The following TNKS variants were observed in gnomAD, a reference collection of about 807,000 sequenced individuals.
TNKS encodes the protein poly [ADP-ribose] polymerase tankyrase-1.
A neutral mutation model predicts 135.8 loss-of-function variants in TNKS; 72 were observed. The ratio of observed to expected loss-of-function variants is 0.53; its 90% CI spans 0.44 to 0.64. The LOEUF (loss-of-function observed/expected upper bound fraction) is 0.64, where lower values mean the gene tolerates loss of function less well. Ranked by LOEUF, TNKS falls within the 30% of genes least tolerant of loss-of-function variation. TNKS has a pLI of 0.00. For missense variants in TNKS, 1,769 were observed against 1,674.0 expected, an observed-to-expected ratio of 1.06 and a Z score of -0.99; for synonymous variants, 849 against 649.3, an observed-to-expected ratio of 1.31 and a Z score of -4.68.
intron 2 of TNKS, among the ~76,000 whole-genome samples, chr8:9,604,245 G>A (rs191946674): frequency 6.6e-6 from 1 of 152,040 alleles, no homozygotes; most frequent in Admixed American, 6.5e-5. Flanking sequence ...TTTCATCCCT[G>A]TTTTATTACC....
At chr8:9,755,202 C>T (rs1205304853) in intron 20 of TNKS, among the ~76,000 whole-genome samples, 1 of 152,094 alleles carries the variant, frequency 6.6e-6, no homozygotes, top group Non-Finnish European at 1.5e-5. Context: ...AACTGACTTC[C>T]TGTGGCGTAT....
chr8:9,580,511 C>G, intron 2 of TNKS, 128 bp downstream of exon 2: 2 of 799,820 alleles, frequency 2.5e-6, no homozygotes, highest in Non-Finnish European at 3.8e-6. Context: ...CAGTTCTTTT[C>G]CATCAAAAGG....
chr8:9,605,983 A>C (rs1265744737), intron 2 of TNKS, among the ~76,000 whole-genome samples: 2 of 151,788 alleles, frequency 1.3e-5, no homozygotes, highest in Admixed American at 6.6e-5. Flanking sequence ...TTTAAGGCTT[A>C]GTTTCTTTTT....
chr8:9,678,479 T>C (rs1802642060), intron 3 of TNKS, among the ~76,000 whole-genome samples: 1 of 152,224 alleles, frequency 6.6e-6, no homozygotes, highest in Non-Finnish European at 1.5e-5. Flanking sequence ...CATGAAATCA[T>C]ATATTCTAGC....
chr8:9,557,586 C>T (rs1815378849), intron 1 of TNKS: 1 of 151,960 alleles, frequency 6.6e-6, no homozygotes, highest in Non-Finnish European at 1.5e-5. Flanking sequence ...ATTGGAAATA[C>T]ATATATTGTA....
chr8:9,642,045 A>T (rs1047286514), intron 3 of TNKS, among the ~76,000 whole-genome samples: 7 of 146,184 alleles, frequency 4.8e-5, no homozygotes, highest in Non-Finnish European at 1.0e-4. Context: ...CTTGATGTAG[A>T]AGTGTTTGGC....
intron 3 of TNKS, among the ~76,000 whole-genome samples, chr8:9,640,994 C>T (rs1001085338): frequency 2.1e-5 from 3 of 145,696 alleles, no homozygotes; most frequent in African/African-American, 7.6e-5. Context: ...TAGCCCGTCT[C>T]CCTAAATCTC....
Position 9,556,267 on chromosome 8 carries a change from A to C in TNKS, c.328A>C (p.Thr110Pro), listed in dbSNP as rs746051619. ...AAAPVVPAVS[T>P]SSAAGVAPNP... ...CGCTCCCGTGGTCCCAGCGGTTTCT[A>C]CTTCATCTGCCGCTGGGGTCGCTCC... Residue 110 changes from threonine to proline, a missense_variant, in exon 1 of 27, where the codon ACT becomes CCT. Thr to Pro is a conservative substitution (Grantham distance 38). Around this residue, in one of 5 missense-constraint regions of TNKS, gnomAD observed 450 missense variants for 304.9 expected, o/e 1.48. Transcript: ENST00000310430. The C allele has an allele frequency of 1.9e-6, 3 of 1,614,220 alleles. No homozygotes were observed. Among genetic ancestry groups the C allele is most frequent in the Non-Finnish European group, 2.5e-6 (3 of 1,180,032 alleles).
At chr8:9,566,449 A>C (rs1585173897) in intron 1 of TNKS, 2 of 152,276 alleles carry the variant, frequency 1.3e-5, no homozygotes, top group East Asian at 3.9e-4. Flanking sequence ...TAATAAGATA[A>C]TTTCATTATT....
At chr8:9,663,908 G>C (rs1474860027) in intron 3 of TNKS, among the ~76,000 whole-genome samples, 1 of 152,098 alleles carries the variant, frequency 6.6e-6, no homozygotes, top group Non-Finnish European at 1.5e-5. Flanking sequence ...CCTGTCCCTT[G>C]GGGTTTCTCT....
intron 3 of TNKS, among the ~76,000 whole-genome samples, chr8:9,644,734 T>A (rs141618604): frequency 8.1e-4 from 124 of 152,316 alleles, no homozygotes; most frequent in African/African-American, 2.8e-3. Context: ...TGAAATTATA[T>A]ACAGACAGTC....
rs150786363 is a variant in TNKS, at chr8:9,770,148, G to T, written c.3783G>T (p.Leu1261=). The T allele has an allele frequency of 1.2e-6, 2 of 1,613,158 alleles. No individual in the cohort carries two copies. The highest frequency in any genetic ancestry group is 1.7e-5 in the Admixed American group (1 of 60,004). ...GAGTGACCCTTGGGAAATCCTTTCT[G>T]CAGTTTAGCACCATGAAAATGGCCC... ...FCRVTLGKSF[L]QFSTMKMAHA... is the part of the protein sequence containing the mutation. The change falls in exon 26 of 27, where the codon CTG becomes CTT. Residue 1261 remains leucine (L), a synonymous_variant. Coordinates refer to ENST00000310430, the MANE Select transcript of TNKS (RefSeq NM_003747.3).
rs923637740 is a variant in TNKS at position 9,637,995 on chromosome 8, A to T, written c.994+22318A>T. Among the ~76,000 whole-genome samples, 15 of 152,096 alleles carry T rather than the reference A, an allele frequency of 9.9e-5. 1 individual carries two copies. Among genetic ancestry groups the T allele is most frequent in the Admixed American group, 5.2e-4 (8 of 15,268 alleles). ...TACTTATACATTTTCTAGAGATGGG[A>T]TCTCGCTTTGTTGCCCAGGCTGGAG... On this transcript the variant is annotated intron_variant, in intron 3 of 26. Transcript: ENST00000310430.
At chr8:9,675,396 G>A (rs916347262) in intron 3 of TNKS, among the ~76,000 whole-genome samples, 2 of 152,166 alleles carry the variant, frequency 1.3e-5, no homozygotes, top group Non-Finnish European at 2.9e-5. Context: ...ACATTAACCT[G>A]AGAATTGAGA....
rs1457223081 is a variant in TNKS, at chr8:9,766,393, A to C, written c.3708A>C (p.Thr1236=). 6.2e-7 allele frequency: 1 copy of C among 1,612,780 alleles called. No homozygotes were observed. Among genetic ancestry groups the C allele is most frequent in the Admixed American group, 1.7e-5 (1 of 59,964 alleles). Residue 1236 remains threonine (T), a synonymous_variant, in exon 25 of 27, where the codon ACA becomes ACC. Coordinates refer to ENST00000310430, the MANE Select transcript of TNKS (RefSeq NM_003747.3). ...YGIGGGTGCP[T]HKDRSCYICH... ...TTGGAGGAGGAACAGGCTGCCCTAC[A>C]CACAAGGACAGGTCATGCTATATAT...
At chr8:9,699,854 A>G (rs1803713222) in intron 5 of TNKS, among the ~76,000 whole-genome samples, 1 of 152,170 alleles carries the variant, frequency 6.6e-6, no homozygotes, top group African/African-American at 2.4e-5. Flanking sequence ...TTTCTGCTTC[A>G]AGTCTTTCAG....
intron 3 of TNKS, among the ~76,000 whole-genome samples, chr8:9,616,032 A>T (rs1180167722): frequency 6.6e-6 from 1 of 152,182 alleles, no homozygotes; most frequent in Non-Finnish European, 1.5e-5. Flanking sequence ...CTATAAAAGT[A>T]GTTTTGATTG....
Position 9,732,289 on chromosome 8 carries a change from G to T in TNKS, c.2148-990G>T, listed in dbSNP as rs117306624. ...TTATTTTGTCTAGGCAAAGCTTAAGGCAGCTACTTAGAAATGTGAGAAAGG... is the reference window on the plus strand; with the variant it reads ...TTATTTTGTCTAGGCAAAGCTTAAGTCAGCTACTTAGAAATGTGAGAAAGG... On this transcript the variant is annotated intron_variant, in intron 14 of 26. Transcript: ENST00000310430. 8.4e-3 allele frequency among the ~76,000 whole-genome samples: 1,286 copies of T among 152,190 alleles called. 11 individuals carry two copies. The highest frequency in any genetic ancestry group is 0.013 in the Non-Finnish European group (881 of 68,008).
intron 1 of TNKS, among the ~76,000 whole-genome samples, chr8:9,577,091 C>T (rs1016178243): frequency 1.3e-5 from 2 of 151,238 alleles, no homozygotes; most frequent in Non-Finnish European, 2.9e-5. Flanking sequence ...AATATCTGAA[C>T]TGAAAAATGT....
Sources: gnomAD v4.1 joint callset for allele counts (sites outside exome capture counted in the v4.1 genomes callset) on GRCh38, gnomAD v4.1.1 for gene constraint, gnomAD v4.1.1 regional missense constraint, MANE v1.5 for transcripts, NCBI Gene and HGNC (gene_info 2026-07-23, HGNC 2026-07-21) for gene names.